TRAF1: variants seen among roughly 807,000 people sequenced by gnomAD.
The protein encoded by TRAF1 is TNF receptor associated factor 1.
Under a neutral mutation model 40.9 loss-of-function variants are expected in TRAF1, and 23 were observed. The observed-to-expected ratio is 0.56, with a 90% CI of 0.40 to 0.80. The LOEUF is 0.80. Ranked by LOEUF, TRAF1 falls within the 30% of genes least tolerant of loss-of-function variation. The pLI, the probability that TRAF1 is intolerant of heterozygous loss-of-function variation, is 0.00. For missense variants in TRAF1, 477 were observed against 528.7 expected (o/e 0.90, Z 0.96); for synonymous variants, 206 against 218.8 (o/e 0.94, Z 0.52).
chr9:120,915,218 T>C (rs1448374684), intron 3 of TRAF1, among the ~76,000 whole-genome samples: 1 of 152,176 alleles, frequency 6.6e-6, no homozygotes, highest in East Asian at 1.9e-4. Flanking sequence ...AGGATGTATT[T>C]ACACAAACCT....
intron 3 of TRAF1, among the ~76,000 whole-genome samples, chr9:120,915,684 A>C (rs979606884): frequency 1.3e-5 from 2 of 152,048 alleles, no homozygotes; most frequent in Non-Finnish European, 2.9e-5. Flanking sequence ...AAAATTTTTT[A>C]ATTAGCAGTC....
At chr9:120,909,900 G>T (rs1189057687) in intron 6 of TRAF1, among the ~76,000 whole-genome samples, 2 of 152,120 alleles carry the variant, frequency 1.3e-5, no homozygotes, top group Non-Finnish European at 1.5e-5. Context: ...GAGGCTGAGG[G>T]TACATGGGGT....
chr9:120,921,205 C>T (rs2046603205), intron 3 of TRAF1, among the ~76,000 whole-genome samples: 1 of 152,070 alleles, frequency 6.6e-6, no homozygotes, highest in Non-Finnish European at 1.5e-5. Flanking sequence ...GCCTATAATT[C>T]TACCATGAAT....
At position 120,923,688 on chromosome 9, in the gene TRAF1, G is replaced by C; in HGVS notation, c.228+17C>G. 6.2e-7 allele frequency: 1 copy of C among 1,613,470 alleles called. No homozygotes were observed. The highest frequency in any genetic ancestry group is 8.5e-7 in the Non-Finnish European group (1 of 1,179,402). ...CAAGACAACGGACAAATGCCTTTCT[G>C]TGATGTGCCAACGTACCTTCTCCTG... On this transcript the variant is annotated intron_variant, in intron 3 of 7. Coordinates refer to ENST00000373887, the MANE Select transcript of TRAF1 (RefSeq NM_005658.5).
Position 120,904,933 on chromosome 9 carries a change from T to C in TRAF1, c.*87A>G. 7.4e-7 allele frequency: 1 copy of C among 1,346,712 alleles called. No individual in the cohort carries two copies. The highest frequency in any genetic ancestry group is 1.0e-6 in the Non-Finnish European group (1 of 975,148). 83.4% of individuals were successfully genotyped at this position (1,346,712 alleles called of 1,614,324 possible). ...CCAGCCTTCACCCATCTTTGTGCCC[T>C]GAGGTCTTGGGTGCCAAGGGCAGGG... is the stretch of plus-strand genomic sequence containing the variant. On this transcript the variant is annotated 3_prime_UTR_variant, in exon 8 of 8. Transcript: ENST00000373887.
Position 120,925,986 on chromosome 9 carries a change from T to C in TRAF1, c.90A>G (p.Pro30=), listed in dbSNP as rs2046637717. 6.2e-7 allele frequency: 1 copy of C among 1,613,748 alleles called. No homozygotes were observed. The highest frequency in any genetic ancestry group is 8.5e-7 in the Non-Finnish European group (1 of 1,179,806). ...FGCPPTVCQD[P]KEPRALCCAG... ...CACAGCAGAGAGCCCTGGGCTCCTT[T>C]GGGTCCTGGCAGACGGTGGGAGGGC... The change falls in exon 2 of 8, where the codon CCA becomes CCG. Residue 30 remains proline (P), a synonymous_variant. Coordinates refer to ENST00000373887, the MANE Select transcript of TRAF1 (RefSeq NM_005658.5).
intron 6 of TRAF1, 40 bp from the exon 7 acceptor site, chr9:120,909,418 C>G: frequency 6.2e-7 from 1 of 1,602,684 alleles, no homozygotes; most frequent in Non-Finnish European, 8.5e-7. Context: ...AAGTGCTGGA[C>G]TTTGCAGATG....
chr9:120,924,542 G>A (rs1223463159), intron 2 of TRAF1, among the ~76,000 whole-genome samples: 1 of 152,180 alleles, frequency 6.6e-6, no homozygotes, highest in Non-Finnish European at 1.5e-5. Flanking sequence ...AGCCTCCCAA[G>A]TAGCTGGGAT....
intron 3 of TRAF1, among the ~76,000 whole-genome samples, chr9:120,921,184 C>T (rs1312186195): frequency 6.6e-6 from 1 of 152,094 alleles, no homozygotes; most frequent in African/African-American, 2.4e-5. Flanking sequence ...CATCCTGTAG[C>T]CTGTTAGGGT....
intron 7 of TRAF1, among the ~76,000 whole-genome samples, chr9:120,906,786 A>C (rs545308524): frequency 7.6e-4 from 116 of 152,324 alleles, no homozygotes; most frequent in East Asian, 5.8e-4. Context: ...CACTGCTCCC[A>C]AAATCCCCTG....
intron 3 of TRAF1, among the ~76,000 whole-genome samples, chr9:120,916,719 G>A (rs1264390204): frequency 1.3e-5 from 2 of 150,882 alleles, no homozygotes; most frequent in East Asian, 1.9e-4. Context: ...GGGCTTCAGG[G>A]ACAAGTTGTT....
chr9:120,925,933 C>T lies in TRAF1; in HGVS notation c.140+3G>A. Reference sequence around the variant, plus strand: ...CCCACCCTCCGCTCCTCCATCACCTCACCTCGGGTTCTCAGAGAGACAGCC... The same window carrying T: ...CCCACCCTCCGCTCCTCCATCACCTTACCTCGGGTTCTCAGAGAGACAGCC... On this transcript the variant is annotated splice_donor_region_variant and intron_variant, in intron 2 of 7. Transcript: ENST00000373887. 6.2e-7 allele frequency: 1 copy of T among 1,613,962 alleles called. No homozygotes were observed.
intron 3 of TRAF1, among the ~76,000 whole-genome samples, chr9:120,916,725 T>A (rs898932584): frequency 8.3e-6 from 1 of 120,742 alleles, no homozygotes; most frequent in Admixed American, 1.0e-4. Context: ...CAGGGACAAG[T>A]TGTTCCCAAT....
At chr9:120,925,068 C>T (rs1322582358) in intron 2 of TRAF1, among the ~76,000 whole-genome samples, 1 of 152,274 alleles carries the variant, frequency 6.6e-6, no homozygotes, top group East Asian at 1.9e-4. Flanking sequence ...CCTCTCCTCG[C>T]TATTCTCACA....
intron 6 of TRAF1, among the ~76,000 whole-genome samples, chr9:120,910,882 ATGTG>A: frequency 6.6e-6 from 1 of 152,344 alleles, no homozygotes; most frequent in Non-Finnish European, 1.5e-5. Context: ...ACACAAGTGC[ATGTG>A]TCTTACTCAG....
At position 120,923,802 on chromosome 9, in the gene TRAF1, C is replaced by T; in HGVS notation, c.141-10G>A. 2 of 1,613,924 alleles carry T rather than the reference C, an allele frequency of 1.2e-6. No individual in the cohort carries two copies. Among genetic ancestry groups the T allele is most frequent in the East Asian group, 2.2e-5 (1 of 44,878 alleles). On this transcript the variant is annotated splice_polypyrimidine_tract_variant and intron_variant, in intron 2 of 7. Transcript: ENST00000373887. Reference sequence around the variant, plus strand: ...CTGATCCTCGCCATTCCTGGGGAAACATGGACAAAGCCTTGGAGAGAGGCA... The same window carrying T: ...CTGATCCTCGCCATTCCTGGGGAAATATGGACAAAGCCTTGGAGAGAGGCA...
At position 120,926,105 on chromosome 9, in the gene TRAF1, G is replaced by A. The variant is rs376531527; in HGVS notation, c.-30C>T. 49 of 1,525,354 alleles carry A rather than the reference G, an allele frequency of 3.2e-5. No individual in the cohort carries two copies. Among genetic ancestry groups the A allele is most frequent in the Non-Finnish European group, 4.3e-5 (49 of 1,139,028 alleles). The allele number at this position is 1,525,354 out of a possible 1,614,324, so 94.5% of individuals were successfully genotyped here. ...GGGTTCCAGGCTGGCCAGAGGGCCTGTTTAAGTTGCTCCAGGGCAGGGGAC... is the reference window on the plus strand; with the variant it reads ...GGGTTCCAGGCTGGCCAGAGGGCCTATTTAAGTTGCTCCAGGGCAGGGGAC... On this transcript the variant is annotated 5_prime_UTR_variant, in exon 2 of 8. Transcript: ENST00000373887.
chr9:120,918,558 C>A (rs751567845), intron 3 of TRAF1, among the ~76,000 whole-genome samples: 3 of 152,080 alleles, frequency 2.0e-5, no homozygotes, highest in African/African-American at 7.2e-5. Flanking sequence ...TCATTTAATC[C>A]TCACATCACA....
In TRAF1 at chr9:120,913,642, C is replaced by T; in HGVS notation, c.391G>A (p.Gly131Ser). 6.2e-7 allele frequency: 1 copy of T among 1,613,534 alleles called. No homozygotes were observed. Among genetic ancestry groups the T allele is most frequent in the East Asian group, 2.2e-5 (1 of 44,864 alleles). Reference sequence around the variant, plus strand: ...ATGGGCCCAGACTCCAGGCCACAGCCCAGCCGGGCCTTCCACTGTTTCATG... The same window carrying T: ...ATGGGCCCAGACTCCAGGCCACAGCTCAGCCGGGCCTTCCACTGTTTCATG... Reference protein sequence around the residue: ...GFMKQWKARLGCGLESGPMAL... With the variant: ...GFMKQWKARLSCGLESGPMAL... The change falls in exon 5 of 8, where the codon GGC becomes AGC. Residue 131 changes from glycine to serine, a missense_variant. Physicochemically the swap from Gly to Ser is moderately conservative, Grantham distance 56 (BLOSUM62 0). Coordinates refer to ENST00000373887, the MANE Select transcript of TRAF1 (RefSeq NM_005658.5).
Sources: gnomAD v4.1 joint callset for allele counts (sites outside exome capture counted in the v4.1 genomes callset) on GRCh38, gnomAD v4.1.1 for gene constraint, MANE v1.5 for transcripts, NCBI Gene and HGNC (gene_info 2026-07-23, HGNC 2026-07-21) for gene names.